EYA1: variants seen among roughly 807,000 people sequenced by gnomAD.
The protein encoded by EYA1 is protein phosphatase EYA1.
Under a neutral mutation model 82.0 loss-of-function variants are expected in EYA1, and 16 were observed. That is an observed-to-expected ratio of 0.20 (90% CI 0.13 to 0.30). The LOEUF (loss-of-function observed/expected upper bound fraction) is 0.30, where lower values mean the gene tolerates loss of function less well. Among genes scored for constraint, EYA1 ranks in the 10% least tolerant of loss-of-function variants. The probability of loss-of-function intolerance (pLI) is 1.00; values close to 1 mark genes in which losing one functional copy is unlikely to be tolerated. For synonymous variants in EYA1, 261 were observed against 264.4 expected (o/e 0.99, Z 0.12); for missense variants, 633 against 730.7 (o/e 0.87, Z 1.54).
intron 2 of EYA1, among the ~76,000 whole-genome samples, chr8:71,423,852 A>G (rs1831277394): frequency 6.6e-6 from 1 of 152,224 alleles, no homozygotes; most frequent in Admixed American, 6.5e-5. Context: ...CAGAAAATGT[A>G]TAGGCAAGAC....
intron 2 of EYA1, among the ~76,000 whole-genome samples, chr8:71,460,810 A>G (rs1349930290): frequency 2.0e-5 from 3 of 152,204 alleles, no homozygotes; most frequent in Admixed American, 6.5e-5. Flanking sequence ...AGACAGCTCG[A>G]CTTTAGCAAG....
At chr8:71,367,101 G>C (rs771966945), upstream of EYA1, among the ~76,000 whole-genome samples, 3 of 152,030 alleles carry the variant, frequency 2.0e-5, no homozygotes, top group Non-Finnish European at 4.4e-5. Context: ...GGAGATGTGG[G>C]TTTTTTCTCC....
intron 11 of EYA1, among the ~76,000 whole-genome samples, chr8:71,245,289 T>C (rs780469667): frequency 2.6e-5 from 4 of 152,062 alleles, no homozygotes; most frequent in Non-Finnish European, 4.4e-5. Flanking sequence ...TACATTGGCG[T>C]GATCTCAGCT....
chr8:71,261,261 C>T (rs1170022707), intron 11 of EYA1, among the ~76,000 whole-genome samples: 1 of 152,116 alleles, frequency 6.6e-6, no homozygotes, highest in African/African-American at 2.4e-5. Context: ...ATTGTGTTTT[C>T]TCCTGTCTAA....
intron 8 of EYA1, 114 bp from the exon 9 acceptor site, chr8:71,299,347 C>CG: frequency 9.8e-7 from 1 of 1,015,276 alleles, no homozygotes; most frequent in Middle Eastern, 2.6e-4. Flanking sequence ...TGAATTCACA[C>CG]GGGGGCATAC....
chr8:71,517,706 A>AGTAT (rs1813070553), intron 2 of EYA1, among the ~76,000 whole-genome samples: 1 of 102,450 alleles, frequency 9.8e-6, no homozygotes, highest in Admixed American at 1.2e-4. Flanking sequence ...AGGAAAACAT[A>AGTAT]CTATATATAT....
chr8:71,211,927 T>C (rs1311102519), intron 16 of EYA1, among the ~76,000 whole-genome samples: 1 of 152,216 alleles, frequency 6.6e-6, no homozygotes, highest in Non-Finnish European at 1.5e-5. Flanking sequence ...AATGAAGCAC[T>C]TTCCTGGAGG....
chr8:71,256,128 G>A (rs563719181), intron 11 of EYA1, among the ~76,000 whole-genome samples: 1 of 152,236 alleles, frequency 6.6e-6, no homozygotes. Flanking sequence ...AAATGCTGCA[G>A]CTGCTAAGAT....
chr8:71,285,822 T>C (rs758778684), intron 9 of EYA1, among the ~76,000 whole-genome samples: 3 of 152,262 alleles, frequency 2.0e-5, no homozygotes, highest in Non-Finnish European at 2.9e-5. Context: ...TTCCTGAGCA[T>C]GTCTGTTCTC....
intron 2 of EYA1, among the ~76,000 whole-genome samples, chr8:71,446,069 G>T (rs1806853114): frequency 6.6e-6 from 1 of 152,152 alleles, no homozygotes; most frequent in Non-Finnish European, 1.5e-5. Flanking sequence ...CTTTATTTAT[G>T]AAAAGCCTTC....
intron 1 of EYA1, among the ~76,000 whole-genome samples, chr8:71,539,187 G>A (rs762174527): frequency 6.6e-6 from 1 of 151,258 alleles, no homozygotes; most frequent in Admixed American, 6.6e-5. Flanking sequence ...GCCTCTTCCT[G>A]AAATGTACTG....
chr8:71,404,722 T>C (rs1362097546), intron 2 of EYA1: 1 of 149,014 alleles, frequency 6.7e-6, no homozygotes, highest in African/African-American at 2.4e-5. Flanking sequence ...ATCGAGACCA[T>C]CCTGCTTAAC....
chr8:71,437,735 C>T (rs920773854), intron 2 of EYA1, among the ~76,000 whole-genome samples: 6 of 151,568 alleles, frequency 4.0e-5, no homozygotes, highest in African/African-American at 1.5e-4. Flanking sequence ...TATACACAAC[C>T]TAGTCCACAG....
At chr8:71,330,869 G>GTGTGTGTA (rs1189042297) in intron 4 of EYA1, among the ~76,000 whole-genome samples, 47 of 152,180 alleles carry the variant, frequency 3.1e-4, no homozygotes, top group African/African-American at 1.1e-3. Context: ...GTGTGTGTGT[G>GTGTGTGTA]TGTGTGTATG....
At chr8:71,237,109 T>C (rs1811935139) in intron 12 of EYA1, among the ~76,000 whole-genome samples, 1 of 151,890 alleles carries the variant, frequency 6.6e-6, no homozygotes, top group South Asian at 2.1e-4. Context: ...TGGAGTGCAG[T>C]GGCATGATCT....
rs1390650335 is a variant in EYA1 at position 71,469,431 on chromosome 8, T to A, written c.33+66313A>T. ...AATGGGTGTGAAAATAGTGCCTATCTCACAGCATTGTTGTGAGGATCAAAT... is the reference window on the plus strand; with the variant it reads ...AATGGGTGTGAAAATAGTGCCTATCACACAGCATTGTTGTGAGGATCAAAT... On this transcript the variant is annotated intron_variant, in intron 2 of 18. Coordinates refer to the EYA1 transcript ENST00000643681. Among the ~76,000 whole-genome samples the A allele has an allele frequency of 2.9e-4, 44 of 152,034 alleles. 1 individual carries two copies.
At chr8:71,498,395 G>A (rs920293546) in intron 2 of EYA1, among the ~76,000 whole-genome samples, 1 of 152,126 alleles carries the variant, frequency 6.6e-6, no homozygotes, top group Admixed American at 6.5e-5. Flanking sequence ...TGCCATGAGA[G>A]AACCTATTTG....
At chr8:71,242,984 G>A (rs1182271320) in intron 12 of EYA1, among the ~76,000 whole-genome samples, 6 of 151,808 alleles carry the variant, frequency 4.0e-5, no homozygotes, top group Non-Finnish European at 8.8e-5. Flanking sequence ...CTCCATGTTG[G>A]TCGGGATGGT....
At chr8:71,234,232 CT>C (rs1811562959) in intron 12 of EYA1, among the ~76,000 whole-genome samples, 1 of 152,174 alleles carries the variant, frequency 6.6e-6, no homozygotes, top group Admixed American at 6.5e-5. Flanking sequence ...GGAATCATTC[CT>C]GCTGACATCC....
Sources: allele counts gnomAD v4.1 joint callset (sites outside exome capture counted in the v4.1 genomes callset), GRCh38; gene constraint gnomAD v4.1.1; transcripts MANE v1.5; gene names NCBI Gene and HGNC (gene_info 2026-07-23, HGNC 2026-07-21).